Variants in KATNIP observed in about 807,000 individuals in gnomAD.
The protein encoded by KATNIP is katanin interacting protein, also known as katanin-interacting protein.
A neutral mutation model predicts 174.0 loss-of-function variants in KATNIP; 126 were observed. The ratio of observed to expected loss-of-function variants is 0.72; its 90% CI spans 0.63 to 0.84. KATNIP has a LOEUF of 0.84. Among genes scored for constraint, KATNIP ranks in the 40% least tolerant of loss-of-function variants. The pLI, the probability that KATNIP is intolerant of heterozygous loss-of-function variation, is 0.00. For synonymous variants in KATNIP, 810 were observed against 835.7 expected, an observed-to-expected ratio of 0.97 and a Z score of 0.53; for missense variants, 1,958 against 2,109.7, an observed-to-expected ratio of 0.93 and a Z score of 1.41.
intron 12 of KATNIP, among the ~76,000 whole-genome samples, chr16:27,705,465 A>G (rs748592483): frequency 2.0e-5 from 3 of 152,094 alleles, no homozygotes; most frequent in Non-Finnish European, 4.4e-5. Flanking sequence ...GTGACCTTAG[A>G]CAAGCCTCTT....
At chr16:27,690,363 T>TAGATAGATGATAGATAGATAGATA (rs397837255) in intron 8 of KATNIP, among the ~76,000 whole-genome samples, 1 of 90,986 alleles carries the variant, frequency 1.1e-5, no homozygotes, top group African/African-American at 4.7e-5. Flanking sequence ...GATAGATAGA[T>TAGATAGATGATAGATAGATAGATA]GATAGATAGA....
intron 2 of KATNIP, among the ~76,000 whole-genome samples, chr16:27,596,719 G>T (rs902181639): frequency 6.6e-6 from 1 of 152,116 alleles, no homozygotes; most frequent in African/African-American, 2.4e-5. Flanking sequence ...GCAAGACCCC[G>T]TTTCCACAAA....
chr16:27,705,191 G>A (rs1259593029), intron 12 of KATNIP, among the ~76,000 whole-genome samples: 7 of 152,108 alleles, frequency 4.6e-5, no homozygotes, highest in African/African-American at 1.7e-4. Context: ...GATTATAGGC[G>A]TGAGCCACCA....
chr16:27,636,096 G>A (rs2076628604), intron 5 of KATNIP, among the ~76,000 whole-genome samples: 1 of 152,142 alleles, frequency 6.6e-6, no homozygotes, highest in Admixed American at 6.6e-5. Flanking sequence ...CAAGGGTGCA[G>A]TGAGCCATGA....
chr16:27,662,071 TACACAC>T (rs1196592578), intron 6 of KATNIP, among the ~76,000 whole-genome samples: 25 of 57,148 alleles, frequency 4.4e-4, no homozygotes, highest in Non-Finnish European at 7.2e-4. Context: ...TATATATATA[TACACAC>T]ATATATATAT....
chr16:27,665,621 TGAGACAG>T (rs2077654264), intron 6 of KATNIP, among the ~76,000 whole-genome samples: 1 of 150,640 alleles, frequency 6.6e-6, no homozygotes, highest in Non-Finnish European at 1.5e-5. Context: ...TTTTTTTTTT[TGAGACAG>T]GACACTCTTT....
intron 13 of KATNIP, among the ~76,000 whole-genome samples, chr16:27,713,463 G>C (rs2079677190): frequency 6.6e-6 from 1 of 151,748 alleles, no homozygotes; most frequent in Non-Finnish European, 1.5e-5. Flanking sequence ...GTACATTTGG[G>C]CACAGTGGTT....
chr16:27,662,224 A>G lies in KATNIP; in HGVS notation c.540+13489A>G, dbSNP rs1313909802. Among the ~76,000 whole-genome samples the G allele has an allele frequency of 6.0e-5, 9 of 150,946 alleles. No homozygotes were observed. In the East Asian group the frequency reaches 1.8e-3, roughly 29 times the overall value. On this transcript the variant is annotated intron_variant, in intron 6 of 27. Transcript: ENST00000261588. ...ATTGGGATTACAGGCATGAGCCACCATGCCCAGCCTAATTCACAATTTCCT... is the reference window on the plus strand; with the variant it reads ...ATTGGGATTACAGGCATGAGCCACCGTGCCCAGCCTAATTCACAATTTCCT...
Position 27,586,694 on chromosome 16 carries a change from T to C in KATNIP, c.63+12738T>C, listed in dbSNP as rs144393093. On this transcript the variant is annotated intron_variant, in intron 2 of 27. Transcript: ENST00000261588. ...AAATACAAAAATGAGCCAGGCACAG[T>C]GTTGCATGCCTGTAGTCCCAGCTAC... is the stretch of plus-strand genomic sequence containing the variant. Among the ~76,000 whole-genome samples the C allele has an allele frequency of 1.9e-4, 29 of 151,892 alleles. No homozygotes were observed. The East Asian group carries it at 5.6e-3, about 29-fold the overall frequency.
intron 22 of KATNIP, 38 bp downstream of exon 22, chr16:27,771,690 C>T (rs2082310286): frequency 6.2e-7 from 1 of 1,604,932 alleles, no homozygotes; most frequent in African/African-American, 1.3e-5. Flanking sequence ...ACATTCTGGG[C>T]CCCGAGGCAG....
chr16:27,635,307 C>A (rs576646608), intron 5 of KATNIP, among the ~76,000 whole-genome samples: 5 of 152,092 alleles, frequency 3.3e-5, no homozygotes, highest in Non-Finnish European at 5.9e-5. Context: ...GTGAGGACAG[C>A]TTTAGAAAGG....
intron 6 of KATNIP, among the ~76,000 whole-genome samples, chr16:27,662,984 C>T (rs2077570680): frequency 6.6e-6 from 1 of 152,022 alleles, no homozygotes; most frequent in Non-Finnish European, 1.5e-5. Context: ...ATTTAGTCAT[C>T]CATTCATTCA....
chr16:27,585,425 A>G (rs781491608), intron 2 of KATNIP, among the ~76,000 whole-genome samples: 1 of 152,224 alleles, frequency 6.6e-6, no homozygotes, highest in Non-Finnish European at 1.5e-5. Context: ...TCCTAAATGT[A>G]TACACAGAAG....
chr16:27,559,417 C>T (rs1417647215), intron 1 of KATNIP, among the ~76,000 whole-genome samples: 1 of 152,176 alleles, frequency 6.6e-6, no homozygotes, highest in Admixed American at 6.5e-5. Flanking sequence ...CATGGTGGCT[C>T]ATGCCTGTAG....
intron 21 of KATNIP, 109 bp from the exon 22 acceptor site, chr16:27,771,479 G>A: frequency 1.0e-6 from 1 of 995,864 alleles, no homozygotes; most frequent in Non-Finnish European, 1.5e-6. Flanking sequence ...TGCATCCTAG[G>A]GAACGCTAAA....
At chr16:27,745,233 G>A (rs1278637859) in intron 15 of KATNIP, among the ~76,000 whole-genome samples, 1 of 152,246 alleles carries the variant, frequency 6.6e-6, no homozygotes, top group East Asian at 1.9e-4. Flanking sequence ...AAGGTAGAGA[G>A]TGTAGCCACT....
chr16:27,766,262 T>C (rs2082120169), intron 19 of KATNIP, 47 bp from the exon 20 acceptor site: 2 of 1,602,654 alleles, frequency 1.2e-6, no homozygotes, highest in East Asian at 2.2e-5. Context: ...TGATGCCTCC[T>C]GTGCCCACTG....
chr16:27,735,164 C>T (rs1379504497), intron 14 of KATNIP, among the ~76,000 whole-genome samples: 4 of 152,184 alleles, frequency 2.6e-5, no homozygotes, highest in Admixed American at 2.6e-4. Flanking sequence ...TCCCTGTGAC[C>T]CCTGCATACC....
chr16:27,758,998 G>A (rs947591585), intron 18 of KATNIP, among the ~76,000 whole-genome samples: 104 of 152,176 alleles, frequency 6.8e-4, no homozygotes, highest in African/African-American at 2.4e-3. Context: ...ATAAATATTC[G>A]TTGACTGTTG....
Sources: allele counts gnomAD v4.1 joint callset (sites outside exome capture counted in the v4.1 genomes callset), GRCh38; gene constraint gnomAD v4.1.1; transcripts MANE v1.5; gene names NCBI Gene and HGNC (gene_info 2026-07-23, HGNC 2026-07-21).